PIEZO2: variants seen among roughly 807,000 people sequenced by gnomAD.
PIEZO2 encodes piezo type mechanosensitive ion channel component 2, also known as piezo-type mechanosensitive ion channel component 2.
PIEZO2 carries 172 observed loss-of-function variants against 337.3 expected under a neutral mutation model. The observed-to-expected ratio is 0.51, with a 90% confidence interval of 0.45 to 0.58. The LOEUF (loss-of-function observed/expected upper bound fraction) is 0.58. Among genes scored for constraint, PIEZO2 ranks in the 20% least tolerant of loss-of-function variants. The pLI, the probability that PIEZO2 is intolerant of heterozygous loss-of-function variation, is 0.00. For synonymous variants in PIEZO2, 1,251 were observed against 1,228.5 expected (o/e 1.02, Z -0.38); for missense variants, 3,028 against 3,391.3 (o/e 0.89, Z 2.66).
chr18:10,701,801 G>T, intron 43 of PIEZO2, 188 bp downstream of exon 43: 1 of 454,308 alleles, frequency 2.2e-6, no homozygotes, highest in Non-Finnish European at 3.7e-6. Context: ...AAAAATGTCA[G>T]CTAAATGAAC....
chr18:11,144,118 T>C (rs2040746004), intron 1 of PIEZO2, among the ~76,000 whole-genome samples: 1 of 152,176 alleles, frequency 6.6e-6, no homozygotes, highest in Non-Finnish European at 1.5e-5. Flanking sequence ...TGCTTATCTC[T>C]GACTACGAAC....
At chr18:10,946,061 A>G (rs568366287) in intron 3 of PIEZO2, among the ~76,000 whole-genome samples, 2 of 152,356 alleles carry the variant, frequency 1.3e-5, no homozygotes, top group East Asian at 1.9e-4. Context: ...CCCCAAAATC[A>G]TGGCAGAATA....
intron 3 of PIEZO2, among the ~76,000 whole-genome samples, chr18:10,911,937 G>A (rs967228815): frequency 5.9e-5 from 9 of 152,114 alleles, no homozygotes; most frequent in Admixed American, 2.0e-4. Context: ...ACAGCTGTAC[G>A]TTCTAAAATT....
intron 2 of PIEZO2, among the ~76,000 whole-genome samples, chr18:11,054,468 T>C (rs986704038): frequency 1.3e-5 from 2 of 152,226 alleles, no homozygotes; most frequent in African/African-American, 4.8e-5. Flanking sequence ...GAAATAAAAT[T>C]CATTCATTCT....
chr18:11,051,344 G>GGTGTGTGTGTGT (rs1355169080), intron 2 of PIEZO2, among the ~76,000 whole-genome samples: 5 of 61,430 alleles, frequency 8.1e-5, no homozygotes, highest in African/African-American at 1.4e-4. Context: ...CATCACTTAG[G>GGTGTGTGTGTGT]ATGTGTGTGT....
chr18:10,970,653 AG>A (rs1475762483), intron 3 of PIEZO2, among the ~76,000 whole-genome samples: 1 of 142,652 alleles, frequency 7.0e-6, no homozygotes, highest in African/African-American at 2.6e-5. Flanking sequence ...AGAACAAAAA[AG>A]ATGTTTCACA....
chr18:10,874,695 T>C (rs1331164340), intron 4 of PIEZO2, among the ~76,000 whole-genome samples: 1 of 152,162 alleles, frequency 6.6e-6, no homozygotes, highest in Non-Finnish European at 1.5e-5. Context: ...GAGGTCATTA[T>C]TTTAAGTGAA....
chr18:10,711,025 C>T (rs1347797082), intron 39 of PIEZO2, among the ~76,000 whole-genome samples: 2 of 152,172 alleles, frequency 1.3e-5, no homozygotes, highest in Non-Finnish European at 2.9e-5. Flanking sequence ...ATTGTATTTA[C>T]TGACTGACCA....
At chr18:10,901,195 T>C (rs2043037347) in intron 4 of PIEZO2, among the ~76,000 whole-genome samples, 1 of 152,274 alleles carries the variant, frequency 6.6e-6, no homozygotes, top group South Asian at 2.1e-4. Flanking sequence ...CAAGTTTGCC[T>C]CATTGTATCA....
chr18:10,778,954 A>G (rs1307477724), intron 18 of PIEZO2, among the ~76,000 whole-genome samples: 1 of 152,236 alleles, frequency 6.6e-6, no homozygotes, highest in African/African-American at 2.4e-5. Context: ...AGAAACACAG[A>G]GAAAAAGAGA....
At chr18:10,874,069 A>G (rs115399162) in intron 4 of PIEZO2, among the ~76,000 whole-genome samples, 2,100 of 152,308 alleles carry the variant, frequency 0.014, 53 homozygotes, top group African/African-American at 0.048. Flanking sequence ...CAAACTATCC[A>G]GCTGAAAGGA....
At chr18:10,736,010 G>A (rs1026814429) in intron 34 of PIEZO2, among the ~76,000 whole-genome samples, 6 of 152,208 alleles carry the variant, frequency 3.9e-5, no homozygotes, top group African/African-American at 1.4e-4. Flanking sequence ...CACTCAATAT[G>A]CTACATTAGG....
At chr18:11,106,238 C>T (rs1241033564) in intron 1 of PIEZO2, among the ~76,000 whole-genome samples, 1 of 150,878 alleles carries the variant, frequency 6.6e-6, no homozygotes, top group Non-Finnish European at 1.5e-5. Context: ...AGGCGCCCAC[C>T]ACCACGCCCA....
chr18:11,015,393 A>C (rs891806979), intron 2 of PIEZO2, among the ~76,000 whole-genome samples: 1 of 152,062 alleles, frequency 6.6e-6, no homozygotes, highest in Non-Finnish European at 1.5e-5. Flanking sequence ...GCTTCACCAA[A>C]CCTCCCTGAT....
At chr18:10,697,919 C>T (rs780461825) in intron 44 of PIEZO2, 39 bp from the exon 45 acceptor site, 1 of 1,566,316 alleles carries the variant, frequency 6.4e-7, no homozygotes, top group East Asian at 2.3e-5. Context: ...GTGGTGGAGC[C>T]TGGGGTTTGT....
rs2032665597 is a variant in PIEZO2 at position 10,940,445 on chromosome 18, C to T, written c.287-29217G>A. ...TACCTGCAGAATATCCTAGTGTTTTCCTCCAGTGAACATTTTACATAAGGT... is the reference window on the plus strand; with the variant it reads ...TACCTGCAGAATATCCTAGTGTTTTTCTCCAGTGAACATTTTACATAAGGT... On this transcript the variant is annotated intron_variant, in intron 3 of 55. Coordinates refer to ENST00000674853, the MANE Select transcript of PIEZO2 (RefSeq NM_001378183.1). The surrounding 1 kb of genome is among the most constrained non-coding windows in gnomAD (Gnocchi z 5.3). Among the ~76,000 whole-genome samples the T allele has an allele frequency of 6.6e-6, 1 of 152,198 alleles. No individual in the cohort carries two copies. The highest frequency in any genetic ancestry group is 6.5e-5 in the Admixed American group (1 of 15,284).
intron 3 of PIEZO2, among the ~76,000 whole-genome samples, chr18:10,974,494 G>T (rs2034363562): frequency 6.6e-6 from 1 of 152,196 alleles, no homozygotes. Flanking sequence ...GGAAAGTCAT[G>T]GACTAAGTAT....
chr18:11,054,994 G>A (rs538250988), intron 2 of PIEZO2, among the ~76,000 whole-genome samples: 11 of 152,152 alleles, frequency 7.2e-5, no homozygotes, highest in Non-Finnish European at 1.5e-5. Context: ...GGCAGATCAC[G>A]AGGTCAGGAG....
chr18:10,677,547 C>T lies in PIEZO2; in HGVS notation c.8081+200G>A, dbSNP rs563269201. On this transcript the variant is annotated intron_variant, in intron 53 of 55. Transcript: ENST00000674853. This position sits in a 1 kb window ranked among gnomAD's most constrained non-coding sequence, Gnocchi z 4.1. Reference sequence around the variant, plus strand: ...CCCTCATTTGGAACATAGACATAACCCTGGGGACAGTGGACAGAAAACTCC... The same window carrying T: ...CCCTCATTTGGAACATAGACATAACTCTGGGGACAGTGGACAGAAAACTCC... 1 of 540,862 alleles carries T rather than the reference C, an allele frequency of 1.8e-6. No homozygotes were observed. The highest frequency in any genetic ancestry group is 3.1e-6 in the Non-Finnish European group (1 of 322,608). The allele number at this position is 540,862 out of a possible 1,614,324, so 33.5% of individuals were successfully genotyped here.
Sources: allele counts gnomAD v4.1 joint callset (sites outside exome capture counted in the v4.1 genomes callset), GRCh38; gene constraint gnomAD v4.1.1; non-coding constraint Gnocchi (gnomAD v3.1); transcripts MANE v1.5; gene names NCBI Gene and HGNC (gene_info 2026-07-23, HGNC 2026-07-21).